NRG1: variants seen among roughly 807,000 people sequenced by gnomAD.
The protein encoded by NRG1 is pro-neuregulin-1, membrane-bound isoform.
Under a neutral mutation model 63.8 loss-of-function variants are expected in NRG1, and 18 were observed. The ratio of observed to expected loss-of-function variants is 0.28; its 90% CI spans 0.19 to 0.42. The LOEUF is 0.42. Ranked by LOEUF, NRG1 falls within the 10% of genes least tolerant of loss-of-function variation. The pLI, the probability that NRG1 is intolerant of heterozygous loss-of-function variation, is 1.00. For synonymous variants in NRG1, 302 were observed against 301.3 expected (o/e 1.00, Z -0.02); for missense variants, 762 against 814.7 (o/e 0.94, Z 0.79).
At chr8:32,416,351 C>G (rs1398511295) in intron 1 of NRG1, among the ~76,000 whole-genome samples, 1 of 149,050 alleles carries the variant, frequency 6.7e-6, no homozygotes, top group African/African-American at 2.4e-5. Context: ...TCCTTCCCTC[C>G]CTTCCTCCTT....
chr8:32,680,537 G>C (rs1808336029), intron 5 of NRG1, among the ~76,000 whole-genome samples: 1 of 152,136 alleles, frequency 6.6e-6, no homozygotes, highest in African/African-American at 2.4e-5. Context: ...TTTAGCCATA[G>C]GTGGCTGAAG....
At position 31,722,399 on chromosome 8, in the gene NRG1, C is replaced by A. The variant is rs188283568; in HGVS notation, c.37+82968C>A. Among the ~76,000 whole-genome samples, 31 of 152,202 alleles carry A rather than the reference C, an allele frequency of 2.0e-4. No individual in the cohort carries two copies. In the East Asian group the frequency reaches 6.0e-3, roughly 29 times the overall value. On this transcript the variant is annotated intron_variant, in intron 1 of 10. Transcript: ENST00000519301. ...TGTTCTCTTATAGGCTTGGATGCAT[C>A]TCCTTCCTGTCATCTTACTAGTATT...
At chr8:32,224,268 G>A (rs1482117104) in intron 1 of NRG1, among the ~76,000 whole-genome samples, 2 of 152,130 alleles carry the variant, frequency 1.3e-5, no homozygotes, top group African/African-American at 4.8e-5. Flanking sequence ...CTCAGGTGGG[G>A]TTTGGTCGAT....
At chr8:31,648,421 C>A (rs981779893) in intron 1 of NRG1, among the ~76,000 whole-genome samples, 11 of 152,064 alleles carry the variant, frequency 7.2e-5, no homozygotes, top group African/African-American at 2.7e-4. Flanking sequence ...CGTGAGCCAC[C>A]GCGCCCGGCC....
intron 1 of NRG1, among the ~76,000 whole-genome samples, chr8:32,042,755 TA>T (rs142622507): frequency 8.6e-4 from 130 of 150,934 alleles, no homozygotes; most frequent in Middle Eastern, 7.0e-3. Flanking sequence ...ATAACTCAAT[TA>T]AAAAAAAACT....
At chr8:32,505,781 A>C (rs1249595864) in intron 1 of NRG1, among the ~76,000 whole-genome samples, 10 of 152,216 alleles carry the variant, frequency 6.6e-5, no homozygotes, top group Admixed American at 6.5e-4. Flanking sequence ...CACTAATAAG[A>C]CAATGAGGAA....
At chr8:32,745,675 G>GCTGTGTGTGTGT (rs1554661332) in intron 7 of NRG1, among the ~76,000 whole-genome samples, 1 of 151,182 alleles carries the variant, frequency 6.6e-6, no homozygotes, top group Non-Finnish European at 1.5e-5. Flanking sequence ...GTGTGTGGGG[G>GCTGTGTGTGTGT]GTGTGTGTGT....
At chr8:32,077,843 T>C (rs1355759475) in intron 1 of NRG1, among the ~76,000 whole-genome samples, 3 of 152,138 alleles carry the variant, frequency 2.0e-5, no homozygotes, top group Non-Finnish European at 4.4e-5. Context: ...GGAAGCTGAA[T>C]GTGAGGCTTG....
chr8:32,484,178 A>C (rs892551410), intron 1 of NRG1, among the ~76,000 whole-genome samples: 1 of 152,196 alleles, frequency 6.6e-6, no homozygotes, highest in Admixed American at 6.5e-5. Context: ...TTAGGCAGGA[A>C]ATAGAACAAA....
intron 1 of NRG1, among the ~76,000 whole-genome samples, chr8:32,264,704 G>A (rs891676514): frequency 1.3e-5 from 2 of 152,104 alleles, no homozygotes; most frequent in African/African-American, 4.8e-5. Flanking sequence ...GAAACTAATT[G>A]TGGCATTTAA....
In NRG1 at chr8:31,846,533, G is replaced by C. The variant is rs770423495; in HGVS notation, c.37+207102G>C. Among the ~76,000 whole-genome samples the C allele has an allele frequency of 5.3e-4, 81 of 152,162 alleles. 1 individual carries two copies. Among genetic ancestry groups the C allele is most frequent in the Non-Finnish European group, 9.3e-4 (63 of 68,030 alleles). ...AGGACTAATGTGTGCAAAACATTAT[G>C]CTAGGTGTTTCCTAAGGCTTCAAAT... On this transcript the variant is annotated intron_variant, in intron 1 of 10. Transcript: ENST00000519301.
At position 32,309,895 on chromosome 8, in the gene NRG1, A is replaced by G. The variant is rs186609663; in HGVS notation, c.38-285933A>G. 7.4e-4 allele frequency among the ~76,000 whole-genome samples: 113 copies of G among 152,372 alleles called. 1 individual carries two copies. The highest frequency in any genetic ancestry group is 9.1e-4 in the Non-Finnish European group (62 of 68,034). ...TTTTCTACACACATTTCTGACAAAA[A>G]GGAAAAAAATGTTAAGTCCACCCTA... On this transcript the variant is annotated intron_variant, in intron 1 of 10. Transcript: ENST00000519301.
At chr8:32,191,101 T>G (rs1405595974) in intron 1 of NRG1, among the ~76,000 whole-genome samples, 2 of 152,106 alleles carry the variant, frequency 1.3e-5, no homozygotes, top group East Asian at 3.8e-4. Context: ...TTTTTTTTTT[T>G]TGAGTTGGAG....
intron 1 of NRG1, among the ~76,000 whole-genome samples, chr8:32,486,747 C>G (rs1490786806): frequency 6.6e-6 from 1 of 151,948 alleles, no homozygotes; most frequent in East Asian, 1.9e-4. Context: ...ACCTCAGCCT[C>G]CTGAGTAGCT....
intron 1 of NRG1, among the ~76,000 whole-genome samples, chr8:32,372,632 A>T (rs1037559903): frequency 2.0e-5 from 3 of 152,170 alleles, no homozygotes; most frequent in African/African-American, 7.2e-5. Context: ...AAAAAGTTTT[A>T]AAAAATTGAA....
chr8:32,460,037 T>G (rs1230877885), intron 1 of NRG1, among the ~76,000 whole-genome samples: 2 of 152,224 alleles, frequency 1.3e-5, no homozygotes, highest in Non-Finnish European at 2.9e-5. Flanking sequence ...GATAGGTCTT[T>G]TGTCTGTTTC....
At chr8:32,735,548 TA>T (rs1057512049) in intron 6 of NRG1, among the ~76,000 whole-genome samples, 1 of 152,170 alleles carries the variant, frequency 6.6e-6, no homozygotes, top group Non-Finnish European at 1.5e-5. Context: ...TCAGAACCCC[TA>T]AGCTGTTTGA....
intron 1 of NRG1, among the ~76,000 whole-genome samples, chr8:32,311,729 C>T (rs1378175097): frequency 6.6e-6 from 1 of 152,158 alleles, no homozygotes; most frequent in Non-Finnish European, 1.5e-5. Context: ...TTCTTTGCAT[C>T]CCCAGAACCT....
intron 1 of NRG1, among the ~76,000 whole-genome samples, chr8:31,893,838 A>G (rs1025227452): frequency 9.9e-5 from 15 of 152,156 alleles, no homozygotes; most frequent in Middle Eastern, 7.2e-3. Context: ...AGCATTGATT[A>G]ACTTTATTCA....
Sources: allele counts gnomAD v4.1 joint callset (sites outside exome capture counted in the v4.1 genomes callset), GRCh38; gene constraint gnomAD v4.1.1; transcripts MANE v1.5; gene names NCBI Gene and HGNC (gene_info 2026-07-23, HGNC 2026-07-21).